The following MYOM3 variants were observed in gnomAD, a reference collection of about 807,000 sequenced individuals.
MYOM3 encodes the protein myomesin 3, also known as myomesin-3.
Under a neutral mutation model 191.7 loss-of-function variants are expected in MYOM3, and 155 were observed. The ratio of observed to expected loss-of-function variants is 0.81; its 90% confidence interval spans 0.71 to 0.92. The LOEUF (loss-of-function observed/expected upper bound fraction) is 0.92, where lower values mean the gene tolerates loss of function less well. Among genes scored for constraint, MYOM3 ranks in the 40% least tolerant of loss-of-function variants. The pLI is 0.00. For synonymous variants in MYOM3, 757 were observed against 762.9 expected, an observed-to-expected ratio of 0.99 and a Z score of 0.13; for missense variants, 1,889 against 1,890.6, an observed-to-expected ratio of 1.00 and a Z score of 0.02.
At chr1:24,059,785 A>G (rs1643345991) in intron 35 of MYOM3, among the ~76,000 whole-genome samples, 1 of 152,232 alleles carries the variant, frequency 6.6e-6, no homozygotes, top group South Asian at 2.1e-4. Flanking sequence ...GTTGTCAACC[A>G]CTAAGCAGAA....
In MYOM3 at chr1:24,084,204, G is replaced by A. The variant is rs183837440; in HGVS notation, c.1970+264C>T. ...GTCAAGATAGGGAGCAAGTTCTCAT[G>A]AGATCTGCTTGTTTGGAAGTGTGTA... On this transcript the variant is annotated intron_variant, in intron 16 of 36. Transcript: ENST00000374434. The A allele has an allele frequency of 7.0e-6, 3 of 426,438 alleles. No homozygotes were observed. In the East Asian group the frequency reaches 1.4e-4, roughly 20 times the overall value. The allele number at this position is 426,438 out of a possible 1,614,324, so 26.4% of individuals were successfully genotyped here.
At chr1:24,058,629 G>C (rs971296930) in intron 36 of MYOM3, among the ~76,000 whole-genome samples, 1 of 152,180 alleles carries the variant, frequency 6.6e-6, no homozygotes, top group Non-Finnish European at 1.5e-5. Flanking sequence ...AGTCCTAGAC[G>C]GGCTTTTAGG....
rs755266765 is a variant in MYOM3, at chr1:24,082,120, TC to T, written c.2160del (p.Trp720Ter). ...CCACCTCCACGACGCTTGGGGGGTT[TC>T]CACCCAATGACCATTTCATTCTTCC... Reference protein sequence around the residue: ...NCGKNEMVIGWKPPKRRGGGK... With the variant: ...NCGKNEMVIGXKPPKRRGGGK... On this transcript the variant is annotated frameshift_variant, in exon 18 of 37. Coordinates refer to ENST00000374434, the MANE Select transcript of MYOM3 (RefSeq NM_152372.4). LOFTEE classifies it high-confidence loss of function. 4.0e-5 allele frequency: 65 copies of T among 1,613,688 alleles called. No individual in the cohort carries two copies. The Admixed American group carries it at 1.1e-3, about 27-fold the overall frequency.
At chr1:24,080,800 T>C (rs1643659019) in intron 19 of MYOM3, among the ~76,000 whole-genome samples, 1 of 152,194 alleles carries the variant, frequency 6.6e-6, no homozygotes, top group Admixed American at 6.5e-5. Context: ...AGGTTTTGTG[T>C]AGAAAACAGA....
rs74935661 is a variant in MYOM3, at chr1:24,095,791, G to C, written c.746-305C>G. On this transcript the variant is annotated intron_variant, in intron 7 of 36. Transcript: ENST00000374434. ...TTTCCCTACCCAAACTTGCCCCCAG[G>C]ATTATGCACTGTCTTCACAGCGGTC... is the stretch of plus-strand genomic sequence containing the variant. Among the ~76,000 whole-genome samples the C allele has an allele frequency of 6.2e-3, 951 of 152,250 alleles. 13 individuals are homozygous for C. Among genetic ancestry groups the C allele is most frequent in the African/African-American group, 0.02 (846 of 41,540 alleles).
rs1644040490 is a variant in MYOM3 at position 24,111,849 on chromosome 1, A to G, written c.-19+182T>C. Among the ~76,000 whole-genome samples the G allele has an allele frequency of 6.6e-6, 1 of 151,100 alleles. No individual in the cohort carries two copies. The highest frequency in any genetic ancestry group is 6.6e-5 in the Admixed American group (1 of 15,156). On this transcript the variant is annotated intron_variant, in intron 1 of 36. Transcript: ENST00000374434. The surrounding 1 kb of genome is among the most constrained non-coding windows in gnomAD (Gnocchi z 4.7). ...GCAGGGGTTTCTGGAATCCCCTCCC[A>G]TTTTCACTTGGGTGCTGCCTCAGCA...
At chr1:24,086,395 A>T (rs4649180) in intron 15 of MYOM3, among the ~76,000 whole-genome samples, 149,041 of 152,134 alleles carry the variant, frequency 0.98, 73,056 homozygotes, top group Non-Finnish European at 1. Flanking sequence ...CCAGCTGTGC[A>T]CTCTAACCCA....
In MYOM3 at chr1:24,095,423, T is replaced by G. The variant is rs747328346; in HGVS notation, c.790+19A>C. Reference sequence around the variant, plus strand: ...CTGAACAAAGAATCCCAGGTCCCGTTCTCCCCCAGCCGACTTACTTTTGAA... The same window carrying G: ...CTGAACAAAGAATCCCAGGTCCCGTGCTCCCCCAGCCGACTTACTTTTGAA... On this transcript the variant is annotated intron_variant, in intron 8 of 36. Transcript: ENST00000374434. 6.2e-7 allele frequency: 1 copy of G among 1,610,080 alleles called. No individual in the cohort carries two copies. The highest frequency in any genetic ancestry group is 2.2e-5 in the East Asian group (1 of 44,692).
At chr1:24,102,697 T>G (rs936408307) in intron 5 of MYOM3, among the ~76,000 whole-genome samples, 4 of 151,986 alleles carry the variant, frequency 2.6e-5, no homozygotes, top group Admixed American at 6.6e-5. Context: ...AATTGAAAAG[T>G]TAGCCAGGTG....
At chr1:24,105,131 T>C (rs1643971940) in intron 5 of MYOM3, among the ~76,000 whole-genome samples, 2 of 145,852 alleles carry the variant, frequency 1.4e-5, no homozygotes, top group Middle Eastern at 3.5e-3. Flanking sequence ...GATTCTGCCA[T>C]GGTTCCCCTC....
At chr1:24,088,327 C>G (rs929551796) in intron 14 of MYOM3, among the ~76,000 whole-genome samples, 1 of 152,214 alleles carries the variant, frequency 6.6e-6, no homozygotes, top group African/African-American at 2.4e-5. Flanking sequence ...CACTGCTGAG[C>G]TCCTACTGTG....
At chr1:24,098,120 C>T (rs924671874) in intron 6 of MYOM3, 109 bp from the exon 7 acceptor site, 22 of 750,182 alleles carry the variant, frequency 2.9e-5, no homozygotes, top group Non-Finnish European at 4.8e-5. Context: ...CCTCACGGTG[C>T]CAGGAAGAGA....
Position 24,064,144 on chromosome 1 carries a change from T to C in MYOM3, c.3550A>G (p.Lys1184Glu). The change falls in exon 30 of 37, where the codon AAG becomes GAG. Residue 1184 changes from lysine to glutamate, a missense_variant. Lys to Glu is a moderately conservative substitution (Grantham distance 56). Transcript: ENST00000374434. Reference sequence around the variant, plus strand: ...GAAACCATCGCTCTGTAAATTCCCTTGTCCTTTTTGGACAACTGGAAAGAA... The same window carrying C: ...GAAACCATCGCTCTGTAAATTCCCTCGTCCTTTTTGGACAACTGGAAAGAA... Reference protein sequence around the residue: ...LCIEELSKKDKGIYRAMVSDD... With the variant: ...LCIEELSKKDEGIYRAMVSDD... 2.5e-6 allele frequency: 4 copies of C among 1,613,800 alleles called. No individual in the cohort carries two copies. Among genetic ancestry groups the C allele is most frequent in the Non-Finnish European group, 3.4e-6 (4 of 1,179,906 alleles).
chr1:24,079,352 C>T (rs6669889), intron 20 of MYOM3, among the ~76,000 whole-genome samples: 61,238 of 151,398 alleles, frequency 0.4, 12,696 homozygotes, highest in Non-Finnish European at 0.43. Flanking sequence ...AGGTATATAC[C>T]ACCACACCTG....
At chr1:24,089,712 C>A (rs775613028) in intron 13 of MYOM3, 47 bp from the exon 14 acceptor site, 3 of 1,527,436 alleles carry the variant, frequency 2.0e-6, no homozygotes, top group Non-Finnish European at 1.8e-6. Context: ...CCCTCAGAGA[C>A]CCCCTAATCT....
intron 15 of MYOM3, among the ~76,000 whole-genome samples, chr1:24,085,235 C>G (rs1177318622): frequency 9.6e-6 from 1 of 104,150 alleles, no homozygotes; most frequent in African/African-American, 3.8e-5. Context: ...GATGGATGGA[C>G]AGGTGGATTC....
At position 24,057,647 on chromosome 1, in the gene MYOM3, G is replaced by A. The variant is rs746758241; in HGVS notation, c.4051-20C>T. Reference sequence around the variant, plus strand: ...CAGGGTCTGTTTGAAAAGACAGGAAGGGAACAGTCTCACCTCCTTGTAACT... The same window carrying A: ...CAGGGTCTGTTTGAAAAGACAGGAAAGGAACAGTCTCACCTCCTTGTAACT... On this transcript the variant is annotated intron_variant, in intron 36 of 36. Coordinates refer to ENST00000374434, the MANE Select transcript of MYOM3 (RefSeq NM_152372.4). 6.2e-7 allele frequency: 1 copy of A among 1,610,402 alleles called. No homozygotes were observed. Among genetic ancestry groups the A allele is most frequent in the African/African-American group, 1.3e-5 (1 of 74,842 alleles).
chr1:24,084,566 A>G lies in MYOM3; in HGVS notation c.1872T>C (p.Pro624=). 1 of 1,614,134 alleles carries G rather than the reference A, an allele frequency of 6.2e-7. No individual in the cohort carries two copies. Among genetic ancestry groups the G allele is most frequent in the Non-Finnish European group, 8.5e-7 (1 of 1,180,004 alleles). The part of the protein sequence containing the change: ...TQTSVSLTWD[P]VKDPELLGYY... Reference sequence around the variant, plus strand: ...AACCCAGGAGCTCTGGGTCTTTCACAGGATCCCATGTCAGGGAGACAGAGG... The same window carrying G: ...AACCCAGGAGCTCTGGGTCTTTCACGGGATCCCATGTCAGGGAGACAGAGG... The change falls in exon 16 of 37, where the codon CCT becomes CCC. Residue 624 remains proline, a synonymous_variant. Coordinates refer to ENST00000374434, the MANE Select transcript of MYOM3 (RefSeq NM_152372.4).
rs141676753 is a variant in MYOM3 at position 24,092,166 on chromosome 1, C to A, written c.1232+8G>T. ...CTAGGGCCTCTGCCACTCACGAGGT[C>A]GACTCACCGCTCAATGGTGTAGGCA... On this transcript the variant is annotated splice_region_variant and intron_variant, in intron 11 of 36. Coordinates refer to ENST00000374434, the MANE Select transcript of MYOM3 (RefSeq NM_152372.4). The A allele has an allele frequency of 6.9e-7, 1 of 1,449,426 alleles. No homozygotes were observed. Among genetic ancestry groups the A allele is most frequent in the Non-Finnish European group, 9.1e-7 (1 of 1,094,052 alleles). The allele number at this position is 1,449,426 out of a possible 1,614,324, so 89.8% of individuals were successfully genotyped here.
Sources: allele counts gnomAD v4.1 joint callset (sites outside exome capture counted in the v4.1 genomes callset), GRCh38; gene constraint gnomAD v4.1.1; non-coding constraint Gnocchi (gnomAD v3.1); transcripts MANE v1.5; gene names NCBI Gene and HGNC (gene_info 2026-07-23, HGNC 2026-07-21).